The following ZNF316 variants were observed in gnomAD, a reference collection of about 807,000 sequenced individuals.
ZNF316 encodes zinc finger protein 316.
A neutral mutation model predicts 75.6 loss-of-function variants in ZNF316; 23 were observed. That is an observed-to-expected ratio of 0.30 (90% CI 0.22 to 0.43). The LOEUF is 0.43. Ranked by LOEUF, ZNF316 falls within the 20% of genes least tolerant of loss-of-function variation. The pLI, the probability that ZNF316 is intolerant of heterozygous loss-of-function variation, is 1.00. For synonymous variants in ZNF316, 827 were observed against 666.2 expected, an observed-to-expected ratio of 1.24 and a Z score of -3.72; for missense variants, 1,266 against 1,409.4, an observed-to-expected ratio of 0.90 and a Z score of 1.63.
rs1779521677 is a variant in ZNF316, at chr7:6,652,370, G to A, written c.774G>A (p.Glu258=). 1.6e-6 allele frequency: 2 copies of A among 1,232,278 alleles called. No individual in the cohort carries two copies. Among genetic ancestry groups the A allele is most frequent in the Admixed American group, 4.2e-5 (1 of 23,708 alleles). 76.3% of individuals were successfully genotyped at this position (1,232,278 alleles called of 1,614,324 possible). ...AAGACGACGAGGACTTCCTGGCGGA[G>A]GTGGCCGAGGAGGAGAACGAGCCCC... The part of the protein sequence containing the change: ...EEEDDEDFLA[E]VAEEENEPPG... The change falls in exon 9 of 9, where the codon GAG becomes GAA. Residue 258 remains glutamate (E), a synonymous_variant. Coordinates refer to ENST00000382252, the MANE Select transcript of ZNF316 (RefSeq NM_001278559.2).
Position 6,654,431 on chromosome 7 carries a change from C to CTCGGGT in ZNF316, c.2840_2845dup (p.Gly947_Ser948dup). ...ACCGCGGAGCCACCGCAGCGCCGGG[C>CTCGGGT]TCGGGTTCGGCCCCAGCCCCCGCGC... On this transcript the variant is annotated inframe_insertion, in exon 9 of 9. Coordinates refer to ENST00000382252, the MANE Select transcript of ZNF316 (RefSeq NM_001278559.2). The CTCGGGT allele has an allele frequency of 8.3e-7, 1 of 1,207,334 alleles. No homozygotes were observed. Among genetic ancestry groups the CTCGGGT allele is most frequent in the Non-Finnish European group, 1.0e-6 (1 of 972,502 alleles). The allele number at this position is 1,207,334 out of a possible 1,614,324, so 74.8% of individuals were successfully genotyped here.
chr7:6,640,780 C>T lies in ZNF316; in HGVS notation c.-166-1045C>T, dbSNP rs565651345. ...GGCGGATCCCTCATGAATGGTCTAG[C>T]ACCGTCCCCTTGGTGATAAGGGAGT... On this transcript the variant is annotated intron_variant, in intron 3 of 8. Transcript: ENST00000382252. The surrounding 1 kb of genome is among the most constrained non-coding windows in gnomAD (Gnocchi z 5.1). Among the ~76,000 whole-genome samples the T allele has an allele frequency of 6.6e-6, 1 of 152,330 alleles. No homozygotes were observed. The highest frequency in any genetic ancestry group is 1.9e-4 in the East Asian group (1 of 5,166).
chr7:6,638,473 G>T (rs930081799), intron 2 of ZNF316, among the ~76,000 whole-genome samples: 1 of 152,174 alleles, frequency 6.6e-6, no homozygotes, highest in Non-Finnish European at 1.5e-5. Context: ...TCTGAGTTGG[G>T]TTTCCCTGGC....
At position 6,654,815 on chromosome 7, in the gene ZNF316, A is replaced by G; in HGVS notation, c.*204A>G. ...GGAGACGTGGGGGAGCTCTGGGGAG[A>G]AGAGCAGCGCGGAGGCAGCGAGGCC... On this transcript the variant is annotated 3_prime_UTR_variant, in exon 9 of 9. Coordinates refer to ENST00000382252, the MANE Select transcript of ZNF316 (RefSeq NM_001278559.2). 2.7e-6 allele frequency: 1 copy of G among 368,212 alleles called. No individual in the cohort carries two copies. Among genetic ancestry groups the G allele is most frequent in the Non-Finnish European group, 4.4e-6 (1 of 227,130 alleles). 22.8% of individuals were successfully genotyped at this position (368,212 alleles called of 1,614,324 possible).
At chr7:6,647,091 C>T (rs1779418577) in intron 8 of ZNF316, among the ~76,000 whole-genome samples, 2 of 152,228 alleles carry the variant, frequency 1.3e-5, no homozygotes, top group Non-Finnish European at 2.9e-5. Flanking sequence ...AAAATTGTGG[C>T]TGTGGGTGCC....
Position 6,658,125 on chromosome 7 carries a change from C to G in ZNF316, c.*3514C>G, listed in dbSNP as rs2115326624. 6.6e-6 allele frequency among the ~76,000 whole-genome samples: 1 copy of G among 152,232 alleles called. No homozygotes were observed. Among genetic ancestry groups the G allele is most frequent in the Non-Finnish European group, 1.5e-5 (1 of 68,016 alleles). ...TTTGCCGGTTTCCCCAACCTCCTTC[C>G]TTTTCTGATTCATTCCTTTTATCCT... On this transcript the variant is annotated 3_prime_UTR_variant, in exon 9 of 9. Transcript: ENST00000382252.
At position 6,639,631 on chromosome 7, in the gene ZNF316, G is replaced by A. The variant is rs1779278460; in HGVS notation, c.-167+490G>A. Among the ~76,000 whole-genome samples, 1 of 152,232 alleles carries A rather than the reference G, an allele frequency of 6.6e-6. No individual in the cohort carries two copies. The highest frequency in any genetic ancestry group is 1.5e-5 in the Non-Finnish European group (1 of 68,042). ...GTTGTGTCCTCATATATGGCGGCCT[G>A]GCTCTGGGAGTTTAAAGTTGCTGCT... is the stretch of plus-strand genomic sequence containing the variant. On this transcript the variant is annotated intron_variant, in intron 3 of 8. Coordinates refer to ENST00000382252, the MANE Select transcript of ZNF316 (RefSeq NM_001278559.2). The surrounding 1 kb of genome is among the most constrained non-coding windows in gnomAD (Gnocchi z 4.2).
Position 6,642,976 on chromosome 7 carries a change from C to A in ZNF316, c.368C>A (p.Ser123Tyr). 8.1e-7 allele frequency: 1 copy of A among 1,232,084 alleles called. No individual in the cohort carries two copies. Among genetic ancestry groups the A allele is most frequent in the African/African-American group, 1.6e-5 (1 of 64,264 alleles). 76.3% of individuals were successfully genotyped at this position (1,232,084 alleles called of 1,614,324 possible). Residue 123 changes from serine to tyrosine, a missense_variant, in exon 6 of 9, where the codon TCC becomes TAC. Physicochemically the swap from Ser to Tyr is moderately radical, Grantham distance 144. Around this residue, in one of 3 missense-constraint regions of ZNF316, gnomAD observed 961 missense variants for 990.9 expected, o/e 0.97. Coordinates refer to ENST00000382252, the MANE Select transcript of ZNF316 (RefSeq NM_001278559.2). This position sits in a 1 kb window ranked among gnomAD's most constrained non-coding sequence, Gnocchi z 8.1. ...TCTCTCCCCACAGGCCTGCAGGCCT[C>A]CCGGGCTCCAGCCACTCCTAGGGAT... ...PVLQEKGLQA[S>Y]RAPATPRDED...
Position 6,653,054 on chromosome 7 carries a change from C to T in ZNF316, c.1458C>T (p.Cys486=). 8.2e-7 allele frequency: 1 copy of T among 1,214,750 alleles called. No homozygotes were observed. The highest frequency in any genetic ancestry group is 1.0e-6 in the Non-Finnish European group (1 of 977,396). 75.2% of individuals were successfully genotyped at this position (1,214,750 alleles called of 1,614,324 possible). A position where few individuals can be genotyped will look rare whatever the true frequency, so the allele number is the denominator to read the frequency against. The change falls in exon 9 of 9, where the codon TGC becomes TGT. Residue 486 remains cysteine, a synonymous_variant. Transcript: ENST00000382252. The stretch of plus-strand genomic sequence containing the variant: ...TGCACACGGCCGACCGCCCGCACTG[C>T]TGTCCCGACTGCGGCCAGGCCTTCC... The part of the protein sequence containing the change: ...QAVHTADRPH[C]CPDCGQAFRL...
chr7:6,654,281 C>G lies in ZNF316; in HGVS notation c.2685C>G (p.Arg895=), dbSNP rs1469304175. ...RPFPCPECGK[R]FSQRSVLVTH... is the part of the protein sequence containing the mutation. Reference sequence around the variant, plus strand: ...TCCCGTGCCCTGAGTGCGGCAAGCGCTTTTCGCAGCGCTCGGTGCTGGTCA... The same window carrying G: ...TCCCGTGCCCTGAGTGCGGCAAGCGGTTTTCGCAGCGCTCGGTGCTGGTCA... The change falls in exon 9 of 9, where the codon CGC becomes CGG. Residue 895 remains arginine, a synonymous_variant. Coordinates refer to ENST00000382252, the MANE Select transcript of ZNF316 (RefSeq NM_001278559.2). 20 of 1,224,446 alleles carry G rather than the reference C, an allele frequency of 1.6e-5. No homozygotes were observed. Among genetic ancestry groups the G allele is most frequent in the Non-Finnish European group, 1.9e-5 (19 of 982,698 alleles). 75.8% of individuals were successfully genotyped at this position (1,224,446 alleles called of 1,614,324 possible). A position where few individuals can be genotyped will look rare whatever the true frequency, so the allele number is the denominator to read the frequency against.
At chr7:6,647,416 A>G (rs778948863) in intron 8 of ZNF316, among the ~76,000 whole-genome samples, 3 of 152,194 alleles carry the variant, frequency 2.0e-5, no homozygotes, top group East Asian at 1.9e-4. Flanking sequence ...GCTAATGCCT[A>G]TGGACTTGGG....
chr7:6,638,959 A>C (rs1211877731), intron 2 of ZNF316, 83 bp from the exon 3 acceptor site: 1 of 152,290 alleles, frequency 6.6e-6, no homozygotes. Flanking sequence ...CTCTGCCCGG[A>C]CTGCTGAGGT....
At position 6,656,856 on chromosome 7, in the gene ZNF316, A is replaced by C. The variant is rs1232323539; in HGVS notation, c.*2245A>C. The stretch of plus-strand genomic sequence containing the variant: ...GTACCAGGGCAAGGTGTACAGCCCC[A>C]GGACCCAAAATGCCTCCCTTAAAGC... On this transcript the variant is annotated 3_prime_UTR_variant, in exon 9 of 9. Coordinates refer to ENST00000382252, the MANE Select transcript of ZNF316 (RefSeq NM_001278559.2). Among the ~76,000 whole-genome samples, 1 of 145,918 alleles carries C rather than the reference A, an allele frequency of 6.9e-6. No individual in the cohort carries two copies. The highest frequency in any genetic ancestry group is 2.0e-4 in the East Asian group (1 of 5,006).
At position 6,657,254 on chromosome 7, in the gene ZNF316, A is replaced by G. The variant is rs1229918328; in HGVS notation, c.*2643A>G. Among the ~76,000 whole-genome samples the G allele has an allele frequency of 6.9e-6, 1 of 144,020 alleles. No individual in the cohort carries two copies. The highest frequency in any genetic ancestry group is 1.5e-5 in the Non-Finnish European group (1 of 67,312). The allele number at this position is 144,020 out of a possible 152,430, so 94.5% of individuals were successfully genotyped here. A position where few individuals can be genotyped will look rare whatever the true frequency, so the allele number is the denominator to read the frequency against. ...TGTGATCTGCCTGTCTTGGCCTTCC[A>G]AAGTGCTGGGATTGCAGGTGTGAGT... On this transcript the variant is annotated 3_prime_UTR_variant, in exon 9 of 9. Transcript: ENST00000382252.
rs574750841 is a variant in ZNF316, at chr7:6,642,700, G to A, written c.291G>A (p.Ala97=). The change falls in exon 5 of 9, where the codon GCG becomes GCA. Residue 97 remains alanine, a synonymous_variant. Coordinates refer to ENST00000382252, the MANE Select transcript of ZNF316 (RefSeq NM_001278559.2). The surrounding 1 kb of genome is among the most constrained non-coding windows in gnomAD (Gnocchi z 8.1). ...KEVLAEEECP[A]LGTQERLSRG... is the part of the protein sequence containing the mutation. ...TGCTGGCAGAGGAGGAGTGTCCGGC[G>A]TTGGGGACCCAGGAGCGACTTAGCC... 8.5e-5 allele frequency: 105 copies of A among 1,234,740 alleles called. No homozygotes were observed. Among genetic ancestry groups the A allele is most frequent in the Middle Eastern group, 3.1e-4 (1 of 3,216 alleles). 76.5% of individuals were successfully genotyped at this position (1,234,740 alleles called of 1,614,324 possible). A position where few individuals can be genotyped will look rare whatever the true frequency, so the allele number is the denominator to read the frequency against.
At chr7:6,646,355 G>A (rs955557088) in intron 8 of ZNF316, among the ~76,000 whole-genome samples, 3 of 152,222 alleles carry the variant, frequency 2.0e-5, no homozygotes, top group Admixed American at 6.5e-5. Flanking sequence ...CTCAGGAAGA[G>A]AAGGGGACAC....
intron 8 of ZNF316, among the ~76,000 whole-genome samples, chr7:6,651,777 A>C (rs1562583073): frequency 6.6e-6 from 1 of 152,166 alleles, no homozygotes; most frequent in Admixed American, 6.5e-5. Context: ...ACAAAAACAA[A>C]AAGCTTAGAG....
In ZNF316 at chr7:6,637,594, G is replaced by GGGGCCT. The variant is rs1037642940; in HGVS notation, c.-431+149_-431+154dup. On this transcript the variant is annotated intron_variant, in intron 1 of 8. Coordinates refer to ENST00000382252, the MANE Select transcript of ZNF316 (RefSeq NM_001278559.2). The surrounding 1 kb of genome is among the most constrained non-coding windows in gnomAD (Gnocchi z 6.2). Reference sequence around the variant, plus strand: ...GAGGCCGCGGGGAGGCGGCGGGGCCGGGGCCTGCAGAGTCGGAGCGGAACG... The same window carrying GGGGCCT: ...GAGGCCGCGGGGAGGCGGCGGGGCCGGGGCCTGGGCCTGCAGAGTCGGAGCGGAACG... The GGGGCCT allele has an allele frequency of 8.0e-5, 12 of 149,550 alleles. No homozygotes were observed. The highest frequency in any genetic ancestry group is 2.9e-4 in the African/African-American group (12 of 41,056). The allele number at this position is 149,550 out of a possible 1,614,324, so 9.3% of individuals were successfully genotyped here. A position where few individuals can be genotyped will look rare whatever the true frequency, so the allele number is the denominator to read the frequency against.
chr7:6,654,191 C>T lies in ZNF316; in HGVS notation c.2595C>T (p.Gly865=). The change falls in exon 9 of 9, where the codon GGC becomes GGT. Residue 865 remains glycine, a synonymous_variant. Coordinates refer to ENST00000382252, the MANE Select transcript of ZNF316 (RefSeq NM_001278559.2). Reference sequence around the variant, plus strand: ...AGCCCTTCCGCTGCGCCGACTGCGGCCGCGGCTTCGCGCAGCGCTCCAACC... The same window carrying T: ...AGCCCTTCCGCTGCGCCGACTGCGGTCGCGGCTTCGCGCAGCGCTCCAACC... ...GEKPFRCADC[G]RGFAQRSNLA... 2.5e-6 allele frequency: 3 copies of T among 1,223,494 alleles called. No homozygotes were observed. The South Asian group carries it at 1.1e-4, about 47-fold the overall frequency. 75.8% of individuals were successfully genotyped at this position (1,223,494 alleles called of 1,614,324 possible). A position where few individuals can be genotyped will look rare whatever the true frequency, so the allele number is the denominator to read the frequency against.
Sources: allele counts gnomAD v4.1 joint callset (sites outside exome capture counted in the v4.1 genomes callset), GRCh38; gene constraint gnomAD v4.1.1; regional missense constraint gnomAD v4.1.1; non-coding constraint Gnocchi (gnomAD v3.1); transcripts MANE v1.5; gene names NCBI Gene and HGNC (gene_info 2026-07-23, HGNC 2026-07-21).